The following TENM3 variants were observed in gnomAD, a reference collection of about 807,000 sequenced individuals.
The protein encoded by TENM3 is teneurin-3.
In TENM3, 63 loss-of-function variants were observed where a neutral mutation model predicts 255.1. The observed-to-expected ratio is 0.25, with a 90% CI of 0.20 to 0.30. The LOEUF is 0.30. Among genes scored for constraint, TENM3 ranks in the 10% least tolerant of loss-of-function variants. The pLI is 1.00. For missense variants in TENM3, 2,929 were observed against 3,461.1 expected, an observed-to-expected ratio of 0.85 and a Z score of 3.86; for synonymous variants, 1,306 against 1,322.3, an observed-to-expected ratio of 0.99 and a Z score of 0.27.
chr4:182,379,370 G>C (rs974009446), intron 3 of TENM3, among the ~76,000 whole-genome samples: 5 of 152,194 alleles, frequency 3.3e-5, no homozygotes, highest in Middle Eastern at 3.4e-3. Context: ...AAGAAAAAAG[G>C]GTATTGCAAG....
the TENM3 span, chr4:181,874,296 C>T: frequency 6.6e-6 from 1 of 152,162 alleles, no homozygotes; most frequent in Admixed American, 6.6e-5. Flanking sequence ...TTTTTATCTA[C>T]TTATTCTACA....
intron 3 of TENM3, among the ~76,000 whole-genome samples, chr4:182,548,975 T>A (rs1741737062): frequency 6.6e-6 from 1 of 152,246 alleles, no homozygotes. Flanking sequence ...CATTTACTTT[T>A]ACCAAATGGA....
At chr4:181,906,825 G>A in the TENM3 span, among the ~76,000 whole-genome samples, 113 of 152,288 alleles carry the variant, frequency 7.4e-4, 2 homozygotes, top group African/African-American at 2.6e-3. Context: ...GGGACTACAG[G>A]CATGGGCCAC....
the TENM3 span, among the ~76,000 whole-genome samples, chr4:181,810,545 A>G: frequency 6.6e-6 from 1 of 152,032 alleles, no homozygotes; most frequent in Non-Finnish European, 1.5e-5. Context: ...TTTGTTGACT[A>G]TGTTATTCAT....
At chr4:182,517,423 G>A (rs553394992) in intron 3 of TENM3, among the ~76,000 whole-genome samples, 1 of 125,822 alleles carries the variant, frequency 7.9e-6, no homozygotes, top group South Asian at 2.6e-4. Flanking sequence ...TCGCTCTGTC[G>A]CCCAGGCTGG....
At chr4:181,830,583 T>G in the TENM3 span, among the ~76,000 whole-genome samples, 8 of 152,098 alleles carry the variant, frequency 5.3e-5, no homozygotes, top group Admixed American at 1.3e-4. Context: ...CCAGCTTGCT[T>G]CTTCTGCTCG....
At chr4:181,496,143 C>T in the TENM3 span, among the ~76,000 whole-genome samples, 5 of 151,478 alleles carry the variant, frequency 3.3e-5, no homozygotes, top group Admixed American at 2.6e-4. Flanking sequence ...CAGAAATGAA[C>T]GCTGGGCCTC....
intron 5 of TENM3, among the ~76,000 whole-genome samples, chr4:182,652,433 G>T (rs941990712): frequency 2.0e-5 from 3 of 152,178 alleles, no homozygotes; most frequent in Admixed American, 6.5e-5. Flanking sequence ...GAACTGTCCA[G>T]CTTTGTGCCA....
At chr4:182,786,571 A>G (rs1050620887) in intron 24 of TENM3, among the ~76,000 whole-genome samples, 5 of 151,776 alleles carry the variant, frequency 3.3e-5, no homozygotes, top group African/African-American at 9.7e-5. Flanking sequence ...AAAAAAAAAA[A>G]AAAGAAATCA....
At chr4:181,948,062 C>T in the TENM3 span, among the ~76,000 whole-genome samples, 25 of 152,140 alleles carry the variant, frequency 1.6e-4, no homozygotes, top group East Asian at 3.9e-4. Flanking sequence ...TAAAGAAAAG[C>T]GAGCACTCAC....
chr4:182,129,760 A>G, the TENM3 span, among the ~76,000 whole-genome samples: 1 of 152,162 alleles, frequency 6.6e-6, no homozygotes, highest in Non-Finnish European at 1.5e-5. Flanking sequence ...TAAATAATAA[A>G]TTAAGAAAAA....
At chr4:182,751,354 G>C (rs1762359265) in intron 19 of TENM3, among the ~76,000 whole-genome samples, 1 of 152,210 alleles carries the variant, frequency 6.6e-6, no homozygotes, top group Admixed American at 6.5e-5. Context: ...CCTATGGTGA[G>C]GTATGAGCGG....
At chr4:182,648,358 A>G (rs1752938923) in intron 5 of TENM3, among the ~76,000 whole-genome samples, 1 of 150,584 alleles carries the variant, frequency 6.6e-6, no homozygotes, top group South Asian at 2.1e-4. Context: ...ATCTTGGCTC[A>G]CTGCAACCTC....
chr4:182,112,128 C>T, the TENM3 span, among the ~76,000 whole-genome samples: 2 of 152,142 alleles, frequency 1.3e-5, no homozygotes, highest in Admixed American at 1.3e-4. Flanking sequence ...GTACTCCAGC[C>T]TGGGTGACAG....
intron 3 of TENM3, among the ~76,000 whole-genome samples, chr4:182,437,418 G>A (rs1002562277): frequency 2.6e-5 from 4 of 152,136 alleles, no homozygotes; most frequent in African/African-American, 7.2e-5. Context: ...GGAGGCAGAG[G>A]TGGGAGAATC....
intron 6 of TENM3, among the ~76,000 whole-genome samples, 173 bp downstream of exon 6, chr4:182,654,066 T>A (rs898841521): frequency 1.3e-5 from 2 of 152,218 alleles, no homozygotes; most frequent in African/African-American, 4.8e-5. Flanking sequence ...GGTTGAAAAT[T>A]CACATTTTTA....
rs1440885506 is a variant in TENM3 at position 182,736,960 on chromosome 4, A to G, written c.3120A>G (p.Val1040=). The change falls in exon 17 of 28, where the codon GTA becomes GTG. Residue 1040 remains valine, a synonymous_variant. Transcript: ENST00000511685. ...TGAAGGTTCATCTTATGGTAGCTGT[A>G]GTAGGAAGACTCTTCCAAAAGTGGT... ...NLMKVHLMVA[V]VGRLFQKWFP... The G allele has an allele frequency of 6.2e-7, 1 of 1,613,912 alleles. No homozygotes were observed. The highest frequency in any genetic ancestry group is 1.1e-5 in the South Asian group (1 of 91,074).
chr4:181,746,169 A>G, the TENM3 span, among the ~76,000 whole-genome samples: 1 of 152,156 alleles, frequency 6.6e-6, no homozygotes, highest in East Asian at 1.9e-4. Context: ...CAGCAGGAGG[A>G]GGGAGCATTA....
At chr4:182,726,940 T>C (rs1397349246) in intron 13 of TENM3, among the ~76,000 whole-genome samples, 2 of 152,138 alleles carry the variant, frequency 1.3e-5, no homozygotes, top group African/African-American at 4.8e-5. Context: ...AGTATAGTAT[T>C]TTTTTAAAAA....
Sources: gnomAD v4.1 joint callset for allele counts (sites outside exome capture counted in the v4.1 genomes callset) on GRCh38, gnomAD v4.1.1 for gene constraint, MANE v1.5 for transcripts, NCBI Gene and HGNC (gene_info 2026-07-23, HGNC 2026-07-21) for gene names.